The following ADTRP variants were observed in gnomAD, a reference collection of about 807,000 sequenced individuals.
The protein encoded by ADTRP is androgen dependent TFPI regulating protein, also known as androgen-dependent TFPI-regulating protein.
In ADTRP, 20 loss-of-function variants were observed where a neutral mutation model predicts 27.0. The ratio of observed to expected loss-of-function variants is 0.74; its 90% CI spans 0.52 to 1.08. The LOEUF is 1.08. Among genes scored for constraint, ADTRP ranks in the 50% least tolerant of loss-of-function variants. ADTRP has a pLI of 0.00. For missense variants in ADTRP, 251 were observed against 275.0 expected (o/e 0.91, Z 0.62); for synonymous variants, 101 against 105.2 (o/e 0.96, Z 0.25).
At chr6:11,721,836 TAATA>T (rs1456665159) in intron 5 of ADTRP, among the ~76,000 whole-genome samples, 2 of 152,198 alleles carry the variant, frequency 1.3e-5, no homozygotes, top group Non-Finnish European at 2.9e-5. Flanking sequence ...ATTTCAATAA[TAATA>T]AATATGATGA....
chr6:11,774,813 A>T (rs1011080394), intron 1 of ADTRP, among the ~76,000 whole-genome samples: 5 of 152,170 alleles, frequency 3.3e-5, no homozygotes. Context: ...CCCCTAGCTC[A>T]TATTCTCTGG....
chr6:11,731,259 G>A (rs537286293), intron 4 of ADTRP, among the ~76,000 whole-genome samples: 2 of 152,266 alleles, frequency 1.3e-5, no homozygotes, highest in East Asian at 3.9e-4. Flanking sequence ...ATAATGTGCT[G>A]GCTAGTTTTT....
intron 3 of ADTRP, among the ~76,000 whole-genome samples, chr6:11,741,914 A>C (rs1462049627): frequency 6.6e-6 from 1 of 151,746 alleles, no homozygotes; most frequent in Non-Finnish European, 1.5e-5. Flanking sequence ...TACTCCTCAC[A>C]CTCAAACTTC....
chr6:11,769,464 T>C (rs1456972940), intron 1 of ADTRP, among the ~76,000 whole-genome samples: 1 of 152,124 alleles, frequency 6.6e-6, no homozygotes, highest in African/African-American at 2.4e-5. Context: ...TCAGACCAGC[T>C]ACACCCATCA....
At position 11,714,147 on chromosome 6, in the gene ADTRP, C is replaced by G. The variant is rs952800803; in HGVS notation, c.*331G>C. 1 of 230,946 alleles carries G rather than the reference C, an allele frequency of 4.3e-6. No homozygotes were observed. The highest frequency in any genetic ancestry group is 8.5e-6 in the Non-Finnish European group (1 of 118,244). 14.3% of individuals were successfully genotyped at this position (230,946 alleles called of 1,614,324 possible). A position where few individuals can be genotyped will look rare whatever the true frequency, so the allele number is the denominator to read the frequency against. On this transcript the variant is annotated 3_prime_UTR_variant, in exon 6 of 6. Coordinates refer to ENST00000414691, the MANE Select transcript of ADTRP (RefSeq NM_032744.4). The stretch of plus-strand genomic sequence containing the variant: ...GAAGAGTTTAAATGACTCTAAGTTC[C>G]TCTCTCTCTCTCTAGATGTTCTCTA...
chr6:11,737,422 A>C (rs1762587189), intron 3 of ADTRP, among the ~76,000 whole-genome samples: 1 of 152,142 alleles, frequency 6.6e-6, no homozygotes, highest in Non-Finnish European at 1.5e-5. Context: ...CATGCCCAGC[A>C]GTGCAGCTGG....
At chr6:11,714,776 T>C (rs960172689) in intron 5 of ADTRP, among the ~76,000 whole-genome samples, 3 of 152,222 alleles carry the variant, frequency 2.0e-5, no homozygotes, top group Admixed American at 2.0e-4. Flanking sequence ...GTACTCTGCA[T>C]AGCTAAGAGG....
At chr6:11,746,747 C>T (rs1053064514) in intron 3 of ADTRP, among the ~76,000 whole-genome samples, 1 of 152,180 alleles carries the variant, frequency 6.6e-6, no homozygotes, top group African/African-American at 2.4e-5. Context: ...ACTAGGTTTC[C>T]AGACAAGAAG....
At chr6:11,773,971 G>A (rs1763867976) in intron 1 of ADTRP, among the ~76,000 whole-genome samples, 1 of 152,154 alleles carries the variant, frequency 6.6e-6, no homozygotes, top group African/African-American at 2.4e-5. Context: ...GCATCTTTGT[G>A]AGGCAGAAAT....
Position 11,766,430 on chromosome 6 carries a change from T to G in ADTRP, c.289-55A>C, listed in dbSNP as rs531956272. On this transcript the variant is annotated intron_variant, in intron 2 of 5. Transcript: ENST00000414691. ...ATTAGGCTTGTTTTTAATCAGAGCT[T>G]TCTAAGATAATCAAGGAAACACAGC... 1.2e-5 allele frequency: 16 copies of G among 1,325,592 alleles called. No homozygotes were observed. In the South Asian group the frequency reaches 2.0e-4, roughly 17 times the overall value. The allele number at this position is 1,325,592 out of a possible 1,614,324, so 82.1% of individuals were successfully genotyped here. A position where few individuals can be genotyped will look rare whatever the true frequency, so the allele number is the denominator to read the frequency against.
intron 3 of ADTRP, among the ~76,000 whole-genome samples, chr6:11,744,438 C>G (rs1278331927): frequency 6.6e-6 from 1 of 152,212 alleles, no homozygotes; most frequent in Non-Finnish European, 1.5e-5. Context: ...TGGGTGCCCA[C>G]TCTATAGTCA....
At chr6:11,765,555 G>C (rs1164923084) in intron 3 of ADTRP, among the ~76,000 whole-genome samples, 2 of 151,838 alleles carry the variant, frequency 1.3e-5, no homozygotes, top group East Asian at 3.9e-4. Context: ...TAATCTCCTG[G>C]TTGATGTGGA....
intron 3 of ADTRP, among the ~76,000 whole-genome samples, chr6:11,740,951 G>T (rs1247789802): frequency 6.6e-6 from 1 of 152,214 alleles, no homozygotes; most frequent in Non-Finnish European, 1.5e-5. Flanking sequence ...ACCTGTAGGA[G>T]TCTTTTCAGT....
At chr6:11,742,700 T>C (rs563736531) in intron 3 of ADTRP, among the ~76,000 whole-genome samples, 1 of 152,344 alleles carries the variant, frequency 6.6e-6, no homozygotes, top group African/African-American at 2.4e-5. Flanking sequence ...TTCAGAGGTC[T>C]AGTTTCCATA....
intron 1 of ADTRP, among the ~76,000 whole-genome samples, chr6:11,770,940 C>G (rs1763753090): frequency 6.6e-6 from 1 of 152,206 alleles, no homozygotes; most frequent in South Asian, 2.1e-4. Flanking sequence ...TTAATCCCAT[C>G]CTGAGCCTGG....
chr6:11,735,254 T>C (rs536623723), intron 4 of ADTRP, among the ~76,000 whole-genome samples: 2 of 152,330 alleles, frequency 1.3e-5, no homozygotes, highest in Admixed American at 6.5e-5. Context: ...TCATTGAAGA[T>C]AGAACCAAGG....
intron 4 of ADTRP, among the ~76,000 whole-genome samples, chr6:11,731,002 G>A (rs1275211592): frequency 6.6e-6 from 1 of 152,242 alleles, no homozygotes. Context: ...CCTTAACACT[G>A]TGCCAGGTGG....
chr6:11,716,976 T>G (rs910580179), intron 5 of ADTRP, among the ~76,000 whole-genome samples: 1 of 149,570 alleles, frequency 6.7e-6, no homozygotes, highest in Non-Finnish European at 1.5e-5. Context: ...TCCACCCGCC[T>G]CGGCCTCCCA....
At chr6:11,744,253 C>T (rs1193170802) in intron 3 of ADTRP, among the ~76,000 whole-genome samples, 1 of 152,226 alleles carries the variant, frequency 6.6e-6, no homozygotes, top group Non-Finnish European at 1.5e-5. Flanking sequence ...TCACCAGAAG[C>T]CAGGCAGATG....
Sources: allele counts gnomAD v4.1 joint callset (sites outside exome capture counted in the v4.1 genomes callset), GRCh38; gene constraint gnomAD v4.1.1; transcripts MANE v1.5; gene names NCBI Gene and HGNC (gene_info 2026-07-23, HGNC 2026-07-21).